The following COL5A2 variants were observed in gnomAD, a reference collection of about 807,000 sequenced individuals.
COL5A2 encodes collagen alpha-2(V) chain.
Under a neutral mutation model 208.2 loss-of-function variants are expected in COL5A2, and 23 were observed. The observed-to-expected ratio is 0.11, with a 90% confidence interval of 0.08 to 0.16. The LOEUF is 0.16. COL5A2 is among the 10% of genes least tolerant of loss of function. The pLI, the probability that COL5A2 is intolerant of heterozygous loss-of-function variation, is 1.00. For synonymous variants in COL5A2, 625 were observed against 628.5 expected (o/e 0.99, Z 0.08); for missense variants, 1,590 against 1,956.4 (o/e 0.81, Z 3.53).
chr2:189,177,119 T>A (rs529926753), intron 1 of COL5A2, among the ~76,000 whole-genome samples: 18 of 152,290 alleles, frequency 1.2e-4, no homozygotes, highest in South Asian at 1.0e-3. Flanking sequence ...AAATAAAAAC[T>A]TATTAATATG....
chr2:189,112,635 A>C (rs1687306469), intron 1 of COL5A2, among the ~76,000 whole-genome samples: 1 of 152,182 alleles, frequency 6.6e-6, no homozygotes, highest in African/African-American at 2.4e-5. Flanking sequence ...ACAAGTTTCT[A>C]ATCTGTTTTA....
chr2:189,104,738 A>G (rs1687117829), intron 2 of COL5A2, among the ~76,000 whole-genome samples: 1 of 151,690 alleles, frequency 6.6e-6, no homozygotes, highest in Admixed American at 6.6e-5. Flanking sequence ...CCCCCACAGG[A>G]GGCCACTATT....
upstream of COL5A2, among the ~76,000 whole-genome samples, chr2:189,181,288 G>C (rs949275774): frequency 3.9e-5 from 6 of 152,050 alleles, no homozygotes; most frequent in Non-Finnish European, 7.4e-5. Flanking sequence ...TTCTAACCCT[G>C]TACCTCTCAG....
chr2:189,116,735 C>T (rs1196574299), intron 1 of COL5A2, among the ~76,000 whole-genome samples: 2 of 152,136 alleles, frequency 1.3e-5, no homozygotes, highest in African/African-American at 4.8e-5. Flanking sequence ...TTTCTGTGCC[C>T]TGCTCCTTTT....
At chr2:189,353,305 A>AT in the COL5A2 span, among the ~76,000 whole-genome samples, 3 of 151,924 alleles carry the variant, frequency 2.0e-5, no homozygotes, top group Admixed American at 6.6e-5. Flanking sequence ...ATTTAAAGTA[A>AT]TTTTTTTCCA....
At chr2:189,166,039 T>C (rs1688457193) in intron 1 of COL5A2, among the ~76,000 whole-genome samples, 1 of 104,114 alleles carries the variant, frequency 9.6e-6, no homozygotes, top group Non-Finnish European at 2.4e-5. Flanking sequence ...AGATGTCATC[T>C]ACTTTTCCAA....
At chr2:189,431,920 G>GC in the COL5A2 span, among the ~76,000 whole-genome samples, 1 of 152,114 alleles carries the variant, frequency 6.6e-6, no homozygotes, top group Non-Finnish European at 1.5e-5. Flanking sequence ...TAGAAATGAA[G>GC]GAAAAAATGT....
chr2:189,099,983 A>G, intron 4 of COL5A2, 124 bp downstream of exon 4: 1 of 812,024 alleles, frequency 1.2e-6, no homozygotes, highest in Non-Finnish European at 2.0e-6. Context: ...GTGTTATACT[A>G]AAAACTTGTT....
chr2:189,121,279 T>G (rs2105735387), intron 1 of COL5A2, among the ~76,000 whole-genome samples: 1 of 152,222 alleles, frequency 6.6e-6, no homozygotes, highest in East Asian at 1.9e-4. Flanking sequence ...AAAATTCATT[T>G]CCAAGGTGTA....
rs114497915 is a variant in COL5A2 at position 189,054,440 on chromosome 2, T to G, written c.2392-228A>C. On this transcript the variant is annotated intron_variant, in intron 35 of 53. Transcript: ENST00000374866. Reference sequence around the variant, plus strand: ...CCACACAGTGTTTTAATCTCTTTCATGCAACCTAATTCATGCATACATAAA... The same window carrying G: ...CCACACAGTGTTTTAATCTCTTTCAGGCAACCTAATTCATGCATACATAAA... 7.2e-3 allele frequency among the ~76,000 whole-genome samples: 1,090 copies of G among 152,310 alleles called. 12 individuals are homozygous for G. The highest frequency in any genetic ancestry group is 0.025 in the African/African-American group (1,042 of 41,552).
In COL5A2 at chr2:189,033,922, G is replaced by T; in HGVS notation, c.*148C>A. ...AATAAATATTCTGAAGGATAAGGAG[G>T]CCAGGCACTTAAGACCATATATACA... On this transcript the variant is annotated 3_prime_UTR_variant, in exon 54 of 54. Coordinates refer to ENST00000374866, the MANE Select transcript of COL5A2 (RefSeq NM_000393.5). 1 of 946,462 alleles carries T rather than the reference G, an allele frequency of 1.1e-6. No individual in the cohort carries two copies. The highest frequency in any genetic ancestry group is 1.7e-6 in the Non-Finnish European group (1 of 594,914). 58.6% of individuals were successfully genotyped at this position (946,462 alleles called of 1,614,324 possible).
the COL5A2 span, among the ~76,000 whole-genome samples, chr2:189,316,235 T>TAAA: frequency 6.6e-6 from 1 of 151,900 alleles, no homozygotes; most frequent in Non-Finnish European, 1.5e-5. Flanking sequence ...ATAGACTGGA[T>TAAA]AAAAAAATGT....
intron 1 of COL5A2, among the ~76,000 whole-genome samples, chr2:189,128,365 T>C (rs1687648141): frequency 6.6e-6 from 1 of 152,086 alleles, no homozygotes; most frequent in South Asian, 2.1e-4. Context: ...TGTAACCATA[T>C]ATTTATGATC....
intron 2 of COL5A2, among the ~76,000 whole-genome samples, chr2:189,108,987 T>C (rs1316093799): frequency 6.6e-6 from 1 of 150,588 alleles, no homozygotes; most frequent in Non-Finnish European, 1.5e-5. Flanking sequence ...TTTTTTTTGG[T>C]TCACGGTAAA....
chr2:189,371,424 G>C, the COL5A2 span, among the ~76,000 whole-genome samples: 7 of 152,170 alleles, frequency 4.6e-5, no homozygotes, highest in Admixed American at 1.3e-4. Flanking sequence ...GAAAAAGATA[G>C]ATAAGGGAAG....
intron 52 of COL5A2, 120 bp from the exon 53 acceptor site, chr2:189,035,275 A>G (rs1007598016): frequency 6.2e-5 from 81 of 1,302,488 alleles, no homozygotes; most frequent in Non-Finnish European, 8.3e-5. Context: ...GTATTACTTT[A>G]ATTCTTGTCA....
At chr2:189,372,856 G>A in the COL5A2 span, among the ~76,000 whole-genome samples, 1 of 152,058 alleles carries the variant, frequency 6.6e-6, no homozygotes, top group African/African-American at 2.4e-5. Context: ...GACTTGTTAA[G>A]TCATTACATC....
chr2:189,337,842 T>G, the COL5A2 span, among the ~76,000 whole-genome samples: 2 of 151,636 alleles, frequency 1.3e-5, no homozygotes, highest in African/African-American at 2.4e-5. Context: ...AAAAATGGTT[T>G]TGGAAAGTTC....
intron 1 of COL5A2, among the ~76,000 whole-genome samples, chr2:189,131,879 C>T (rs746030698): frequency 5.3e-5 from 8 of 152,144 alleles, no homozygotes; most frequent in South Asian, 2.1e-4. Context: ...AGAAATTATA[C>T]GTGTAAATTA....
Sources: allele counts gnomAD v4.1 joint callset (sites outside exome capture counted in the v4.1 genomes callset), GRCh38; gene constraint gnomAD v4.1.1; transcripts MANE v1.5; gene names NCBI Gene and HGNC (gene_info 2026-07-23, HGNC 2026-07-21).